STXBP5L: variants seen among roughly 807,000 people sequenced by gnomAD.
STXBP5L encodes syntaxin binding protein 5L.
A neutral mutation model predicts 144.5 loss-of-function variants in STXBP5L; 65 were observed. The ratio of observed to expected loss-of-function variants is 0.45; its 90% confidence interval spans 0.37 to 0.55. STXBP5L has a LOEUF of 0.55. STXBP5L is among the 20% of genes least tolerant of loss of function. The pLI is 0.00. For synonymous variants in STXBP5L, 505 were observed against 469.6 expected (o/e 1.08, Z -0.97); for missense variants, 1,298 against 1,405.5 (o/e 0.92, Z 1.22).
At chr3:121,345,616 C>A (rs1356566969) in intron 20 of STXBP5L, among the ~76,000 whole-genome samples, 1 of 152,032 alleles carries the variant, frequency 6.6e-6, no homozygotes, top group African/African-American at 2.4e-5. Flanking sequence ...CTAATTTACA[C>A]TCCCACAAAC....
At chr3:121,374,786 G>A (rs1473566689) in intron 20 of STXBP5L, among the ~76,000 whole-genome samples, 1 of 151,950 alleles carries the variant, frequency 6.6e-6, no homozygotes, top group African/African-American at 2.4e-5. Flanking sequence ...GTGTTGTGGA[G>A]GGAGGAAAAG....
intron 5 of STXBP5L, among the ~76,000 whole-genome samples, chr3:121,092,354 C>G (rs926051127): frequency 1.3e-5 from 2 of 152,040 alleles, no homozygotes; most frequent in African/African-American, 4.8e-5. Flanking sequence ...CTATAAATTA[C>G]CTTGGGCAGT....
intron 3 of STXBP5L, among the ~76,000 whole-genome samples, chr3:120,963,982 C>G (rs536572477): frequency 7.2e-5 from 11 of 152,276 alleles, no homozygotes; most frequent in African/African-American, 2.4e-4. Context: ...GATTCGACTT[C>G]TTCCTGGCTT....
intron 5 of STXBP5L, among the ~76,000 whole-genome samples, chr3:121,063,682 G>T (rs866776285): frequency 1.3e-5 from 2 of 152,186 alleles, no homozygotes; most frequent in Non-Finnish European, 2.9e-5. Context: ...TTTCAGAGAT[G>T]CCTTGCCCAG....
chr3:121,334,427 G>A (rs1242590668), intron 20 of STXBP5L, among the ~76,000 whole-genome samples: 1 of 149,366 alleles, frequency 6.7e-6, no homozygotes, highest in Non-Finnish European at 1.5e-5. Context: ...TCAAAACCTG[G>A]CAGGGACACA....
At position 121,337,440 on chromosome 3, in the gene STXBP5L, A is replaced by T. The variant is rs968051237; in HGVS notation, c.2176+18900A>T. ...ACAGACACTTTAAAGCAACAACAGT[A>T]AAAAAAAAAAAAAAAAAAAGTCATT... On this transcript the variant is annotated intron_variant, in intron 20 of 26. Transcript: ENST00000471454. Among the ~76,000 whole-genome samples the T allele has an allele frequency of 7.7e-5, 5 of 64,754 alleles. No individual in the cohort carries two copies. The South Asian group carries it at 1.3e-3, about 17-fold the overall frequency. The allele number at this position is 64,754 out of a possible 152,430, so 42.5% of individuals were successfully genotyped here.
chr3:121,161,927 T>C (rs952231077), intron 9 of STXBP5L, among the ~76,000 whole-genome samples: 2 of 152,120 alleles, frequency 1.3e-5, no homozygotes, highest in African/African-American at 2.4e-5. Context: ...GAAAATGAAA[T>C]ATGATATTTA....
At chr3:121,243,389 T>C (rs1026482683) in intron 14 of STXBP5L, among the ~76,000 whole-genome samples, 1 of 152,182 alleles carries the variant, frequency 6.6e-6, no homozygotes, top group South Asian at 2.1e-4. Flanking sequence ...CCATAAAAGG[T>C]TTGAGAGGCT....
chr3:121,119,601 A>T (rs2044371768), intron 6 of STXBP5L, among the ~76,000 whole-genome samples: 1 of 150,990 alleles, frequency 6.6e-6, no homozygotes, highest in Admixed American at 6.6e-5. Flanking sequence ...TATCTAAAGA[A>T]TTTTTTTTGT....
At chr3:121,054,651 A>T (rs1420285934) in intron 5 of STXBP5L, among the ~76,000 whole-genome samples, 2 of 151,330 alleles carry the variant, frequency 1.3e-5, no homozygotes, top group Non-Finnish European at 2.9e-5. Flanking sequence ...ATGACGAGTT[A>T]ATGGGTGCAG....
chr3:121,196,937 C>T (rs2047943337), intron 9 of STXBP5L, among the ~76,000 whole-genome samples: 2 of 152,204 alleles, frequency 1.3e-5, no homozygotes, highest in Non-Finnish European at 2.9e-5. Flanking sequence ...TCCACCCCAG[C>T]CTCCCAAAGT....
intron 7 of STXBP5L, among the ~76,000 whole-genome samples, chr3:121,131,302 C>T (rs2107896215): frequency 6.6e-6 from 1 of 151,888 alleles, no homozygotes; most frequent in East Asian, 1.9e-4. Flanking sequence ...ATGGGTAATC[C>T]CATAGGGAAA....
At chr3:120,923,150 G>C (rs1197020879) in intron 2 of STXBP5L, among the ~76,000 whole-genome samples, 1 of 151,894 alleles carries the variant, frequency 6.6e-6, no homozygotes, top group Admixed American at 6.6e-5. Flanking sequence ...GTTCACAATA[G>C]TGTCTAATAA....
intron 23 of STXBP5L, 32 bp from the exon 24 acceptor site, chr3:121,413,126 T>C: frequency 6.6e-7 from 1 of 1,510,130 alleles, no homozygotes; most frequent in East Asian, 2.4e-5. Flanking sequence ...ACAACCTGCA[T>C]ATGATATATG....
intron 23 of STXBP5L, among the ~76,000 whole-genome samples, chr3:121,410,344 A>G (rs536292905): frequency 6.6e-6 from 1 of 152,152 alleles, no homozygotes; most frequent in East Asian, 1.9e-4. Flanking sequence ...GAAATTCTTC[A>G]TGTGTTCCTG....
rs371953996 is a variant in STXBP5L at position 121,005,421 on chromosome 3, G to A, written c.288-36279G>A. Among the ~76,000 whole-genome samples the A allele has an allele frequency of 4.9e-4, 75 of 152,014 alleles. No homozygotes were observed. In the South Asian group the frequency reaches 0.011, roughly 22 times the overall value. On this transcript the variant is annotated intron_variant, in intron 3 of 26. Coordinates refer to ENST00000471454, the MANE Select transcript of STXBP5L (RefSeq NM_001308330.2). ...TATCCCCTTTATCATGTTTTATTGC[G>A]TCTATTTGATTCTTCTCTCTTTTCT...
At chr3:120,969,396 GTTT>G (rs57093267) in intron 3 of STXBP5L, among the ~76,000 whole-genome samples, 13 of 131,314 alleles carry the variant, frequency 9.9e-5, no homozygotes, top group Non-Finnish European at 1.3e-4. Context: ...GATTATTTGT[GTTT>G]TTTTTTTTTT....
chr3:121,274,093 G>A (rs2050807496), intron 18 of STXBP5L, among the ~76,000 whole-genome samples: 1 of 152,086 alleles, frequency 6.6e-6, no homozygotes, highest in Non-Finnish European at 1.5e-5. Flanking sequence ...GTCAGTTCCT[G>A]GATAGCTATT....
intron 20 of STXBP5L, among the ~76,000 whole-genome samples, chr3:121,376,202 G>A (rs948666114): frequency 5.3e-5 from 8 of 152,174 alleles, no homozygotes; most frequent in African/African-American, 7.2e-5. Context: ...TACAGAAGAG[G>A]CAACTAATGC....
Sources: gnomAD v4.1 joint callset for allele counts (sites outside exome capture counted in the v4.1 genomes callset) on GRCh38, gnomAD v4.1.1 for gene constraint, MANE v1.5 for transcripts, NCBI Gene and HGNC (gene_info 2026-07-23, HGNC 2026-07-21) for gene names.